RGS7BP: variants seen among roughly 807,000 people sequenced by gnomAD.
RGS7BP encodes the protein regulator of G protein signaling 7-binding protein.
A neutral mutation model predicts 31.3 loss-of-function variants in RGS7BP; 9 were observed. That is an observed-to-expected ratio of 0.29 (90% CI 0.17 to 0.50). The LOEUF is 0.50. Among genes scored for constraint, RGS7BP ranks in the 20% least tolerant of loss-of-function variants. The pLI is 0.98. For synonymous variants in RGS7BP, 115 were observed against 120.1 expected (o/e 0.96, Z 0.28); for missense variants, 274 against 322.0 (o/e 0.85, Z 1.14).
chr5:64,552,215 T>C (rs1435041948), intron 2 of RGS7BP, among the ~76,000 whole-genome samples: 2 of 152,182 alleles, frequency 1.3e-5, no homozygotes, highest in Non-Finnish European at 2.9e-5. Context: ...ATTTATCCCC[T>C]AAATAACATC....
intron 2 of RGS7BP, among the ~76,000 whole-genome samples, chr5:64,555,626 CA>C (rs1741905375): frequency 6.6e-6 from 1 of 151,956 alleles, no homozygotes; most frequent in South Asian, 2.1e-4. Context: ...GGATTTATAG[CA>C]AGGACTTGAG....
At chr5:64,557,939 C>T (rs1288645378) in intron 2 of RGS7BP, among the ~76,000 whole-genome samples, 1 of 152,084 alleles carries the variant, frequency 6.6e-6, no homozygotes, top group Non-Finnish European at 1.5e-5. Flanking sequence ...ACTTTTTAAA[C>T]AAGACACTTT....
intron 2 of RGS7BP, among the ~76,000 whole-genome samples, chr5:64,560,818 C>A (rs1279232200): frequency 1.3e-5 from 2 of 152,074 alleles, no homozygotes; most frequent in East Asian, 3.9e-4. Flanking sequence ...CTCACATTCC[C>A]AGTAAAATGA....
chr5:64,538,546 C>CTTTTTTTTTTT (rs1191560944), intron 2 of RGS7BP, among the ~76,000 whole-genome samples: 4 of 40,036 alleles, frequency 1.0e-4, no homozygotes, highest in African/African-American at 4.5e-4. Context: ...TTTTCCTTTT[C>CTTTTTTTTTTT]TTTTTTTTTT....
At chr5:64,507,257 C>T (rs1477342733) in intron 1 of RGS7BP, among the ~76,000 whole-genome samples, 1 of 152,142 alleles carries the variant, frequency 6.6e-6, no homozygotes, top group Non-Finnish European at 1.5e-5. Flanking sequence ...GTTCAGTGGC[C>T]CAGCAAAAGG....
intron 3 of RGS7BP, among the ~76,000 whole-genome samples, chr5:64,580,064 T>C (rs1742548600): frequency 6.6e-6 from 1 of 152,144 alleles, no homozygotes; most frequent in Non-Finnish European, 1.5e-5. Context: ...GAGGCTGTGG[T>C]TAAAAGAATA....
In RGS7BP at chr5:64,575,785, G is replaced by A; in HGVS notation, c.344G>A (p.Gly115Asp). Residue 115 changes from glycine to aspartate, a missense_variant, in exon 3 of 6, where the codon GGT becomes GAT. By Grantham distance (94) the Gly-to-Asp change is moderately conservative (BLOSUM62 -1). Around this residue, in one of 3 missense-constraint regions of RGS7BP, gnomAD observed 13 missense variants for 38.5 expected, o/e 0.34. Coordinates refer to ENST00000334025, the MANE Select transcript of RGS7BP (RefSeq NM_001029875.3). Reference protein sequence around the residue: ...KLAAISGPEDGEIHPEICRLY... With the variant: ...KLAAISGPEDDEIHPEICRLY... Reference sequence around the variant, plus strand: ...TCATTCTGTTGCAGCCCGGAAGATGGTGAGATCCATCCAGAAATCTGTCGG... The same window carrying A: ...TCATTCTGTTGCAGCCCGGAAGATGATGAGATCCATCCAGAAATCTGTCGG... The A allele has an allele frequency of 6.2e-7, 1 of 1,611,088 alleles. No homozygotes were observed. Among genetic ancestry groups the A allele is most frequent in the Non-Finnish European group, 8.5e-7 (1 of 1,178,744 alleles).
intron 2 of RGS7BP, among the ~76,000 whole-genome samples, chr5:64,525,674 G>A (rs773127589): frequency 6.6e-6 from 1 of 152,160 alleles, no homozygotes; most frequent in Non-Finnish European, 1.5e-5. Flanking sequence ...CAGCTTGTGA[G>A]CAACTGAGTT....
rs1202958189 is a variant in RGS7BP at position 64,594,690 on chromosome 5, C to T, written c.464-20C>T. 1.2e-6 allele frequency: 2 copies of T among 1,612,930 alleles called. No homozygotes were observed. The highest frequency in any genetic ancestry group is 2.2e-5 in the South Asian group (2 of 90,976). Reference sequence around the variant, plus strand: ...GATTTCTTTTTCCTCTTCTCTTTACCAACACCCTCCCTCCCTTAGGAAAGG... The same window carrying T: ...GATTTCTTTTTCCTCTTCTCTTTACTAACACCCTCCCTCCCTTAGGAAAGG... On this transcript the variant is annotated intron_variant, in intron 3 of 5. Transcript: ENST00000334025.
intron 2 of RGS7BP, among the ~76,000 whole-genome samples, chr5:64,520,520 C>G (rs1203694176): frequency 1.3e-5 from 2 of 152,124 alleles, no homozygotes; most frequent in African/African-American, 4.8e-5. Context: ...TCTCTGGACC[C>G]CGAATTTTTC....
chr5:64,506,594 C>T lies in RGS7BP; in HGVS notation c.-31C>T, dbSNP rs749218368. ...GCCGCCCGCGCCGGGGCGCACTGCACCAGCGGCTTCGGCTTGGTGGATGTG... is the reference window on the plus strand; with the variant it reads ...GCCGCCCGCGCCGGGGCGCACTGCATCAGCGGCTTCGGCTTGGTGGATGTG... On this transcript the variant is annotated 5_prime_UTR_variant, in exon 1 of 6. Transcript: ENST00000334025. This position sits in a 1 kb window ranked among gnomAD's most constrained non-coding sequence, Gnocchi z 4.6. 13 of 1,566,376 alleles carry T rather than the reference C, an allele frequency of 8.3e-6. No homozygotes were observed. The highest frequency in any genetic ancestry group is 9.6e-6 in the Non-Finnish European group (11 of 1,146,542).
intron 2 of RGS7BP, among the ~76,000 whole-genome samples, chr5:64,574,124 T>C (rs1394469456): frequency 1.3e-5 from 2 of 152,198 alleles, no homozygotes; most frequent in Admixed American, 6.5e-5. Context: ...TGAAAATAAA[T>C]GTATTAGTAG....
chr5:64,527,606 TAAAAAAAAAAAAAAAAAAAAAA>T (rs59081277), intron 2 of RGS7BP, among the ~76,000 whole-genome samples: 1 of 86,464 alleles, frequency 1.2e-5, no homozygotes, highest in Non-Finnish European at 2.3e-5. Context: ...CTTATAACAG[TAAAAAAAAAAAAAAAAAAAAAA>T]AAAAAAAAAA....
chr5:64,573,095 T>A (rs950188765), intron 2 of RGS7BP, among the ~76,000 whole-genome samples: 5 of 151,482 alleles, frequency 3.3e-5, no homozygotes, highest in African/African-American at 1.2e-4. Flanking sequence ...TGTGATAGTT[T>A]ACTGAGAATG....
chr5:64,596,631 G>T (rs1351593326), intron 4 of RGS7BP, among the ~76,000 whole-genome samples: 1 of 152,076 alleles, frequency 6.6e-6, no homozygotes. Flanking sequence ...CCTTTCTCCT[G>T]CCCTCCTCTC....
intron 2 of RGS7BP, among the ~76,000 whole-genome samples, chr5:64,531,634 A>T (rs1382202597): frequency 6.6e-6 from 1 of 152,192 alleles, no homozygotes; most frequent in Non-Finnish European, 1.5e-5. Context: ...GGTTCAGCCT[A>T]CATTTATTAT....
intron 2 of RGS7BP, among the ~76,000 whole-genome samples, chr5:64,568,461 T>C (rs1742222060): frequency 6.6e-6 from 1 of 152,182 alleles, no homozygotes; most frequent in South Asian, 2.1e-4. Context: ...CATTTTATTT[T>C]AAAGATTTAA....
At chr5:64,542,533 C>T (rs1456705000) in intron 2 of RGS7BP, among the ~76,000 whole-genome samples, 1 of 152,084 alleles carries the variant, frequency 6.6e-6, no homozygotes, top group Non-Finnish European at 1.5e-5. Context: ...CTATGCTGCC[C>T]AAAAACGTTA....
intron 3 of RGS7BP, among the ~76,000 whole-genome samples, chr5:64,578,166 C>T (rs973871789): frequency 6.6e-6 from 1 of 152,228 alleles, no homozygotes; most frequent in Non-Finnish European, 1.5e-5. Context: ...AACTGAGCAG[C>T]TCATTTGGTC....
Sources: allele counts gnomAD v4.1 joint callset (sites outside exome capture counted in the v4.1 genomes callset), GRCh38; gene constraint gnomAD v4.1.1; regional missense constraint gnomAD v4.1.1; non-coding constraint Gnocchi (gnomAD v3.1); transcripts MANE v1.5; gene names NCBI Gene and HGNC (gene_info 2026-07-23, HGNC 2026-07-21).